Variants in TRIM9 observed in about 807,000 individuals in gnomAD.
The protein encoded by TRIM9 is tripartite motif containing 9, also known as E3 ubiquitin-protein ligase TRIM9.
Under a neutral mutation model 78.3 loss-of-function variants are expected in TRIM9, and 26 were observed. That is an observed-to-expected ratio of 0.33 (90% CI 0.24 to 0.46). TRIM9 has a LOEUF of 0.46. Among genes scored for constraint, TRIM9 ranks in the 20% least tolerant of loss-of-function variants. TRIM9 has a pLI of 1.00. For missense variants in TRIM9, 787 were observed against 1,036.4 expected (o/e 0.76, Z 3.30); for synonymous variants, 398 against 416.5 (o/e 0.96, Z 0.54).
intron 7 of TRIM9, chr14:50,986,362 G>T (rs1372707701): frequency 1.1e-5 from 4 of 375,692 alleles, no homozygotes; most frequent in Admixed American, 9.1e-5. Flanking sequence ...GAACAACAAA[G>T]GCAATTGTTG....
At chr14:51,023,726 C>T (rs2057976050) in intron 2 of TRIM9, among the ~76,000 whole-genome samples, 1 of 152,052 alleles carries the variant, frequency 6.6e-6, no homozygotes, top group Non-Finnish European at 1.5e-5. Flanking sequence ...ATAAGCTTTT[C>T]AATGAGTAAT....
At chr14:50,988,778 C>T (rs529769807) in intron 7 of TRIM9, among the ~76,000 whole-genome samples, 5 of 152,310 alleles carry the variant, frequency 3.3e-5, no homozygotes, top group African/African-American at 7.2e-5. Flanking sequence ...TCCCTTCATG[C>T]CCTTCCCCAT....
At chr14:50,996,849 AG>A in intron 7 of TRIM9, 1 of 985,442 alleles carries the variant, frequency 1.0e-6, no homozygotes, top group Non-Finnish European at 1.2e-6. Flanking sequence ...CTCTTGGAAT[AG>A]CATCACTTAG....
At chr14:50,980,802 C>T (rs2051777525) in intron 11 of TRIM9, among the ~76,000 whole-genome samples, 1 of 152,168 alleles carries the variant, frequency 6.6e-6, no homozygotes, top group African/African-American at 2.4e-5. Context: ...CTTCAAGTGA[C>T]AGCGAATAAT....
At chr14:50,990,548 A>G (rs1261842954) in intron 7 of TRIM9, among the ~76,000 whole-genome samples, 1 of 152,120 alleles carries the variant, frequency 6.6e-6, no homozygotes, top group East Asian at 1.9e-4. Context: ...ATTTTTGCAG[A>G]TGTTGTAGAA....
chr14:51,017,317 T>C (rs928877357), intron 3 of TRIM9, among the ~76,000 whole-genome samples: 1 of 152,238 alleles, frequency 6.6e-6, no homozygotes, highest in African/African-American at 2.4e-5. Flanking sequence ...TCTGAGGCTT[T>C]GCGGTTTTAA....
chr14:51,015,505 C>CTTTTCTTTTTTTTT (rs1555338411), intron 3 of TRIM9, among the ~76,000 whole-genome samples: 8 of 61,326 alleles, frequency 1.3e-4, no homozygotes, highest in African/African-American at 5.5e-4. Flanking sequence ...CTTTACTTTT[C>CTTTTCTTTTTTTTT]TTTTTTTTTT....
chr14:50,995,951 C>T (rs1216522088), intron 7 of TRIM9: 4 of 273,144 alleles, frequency 1.5e-5, no homozygotes, highest in Non-Finnish European at 2.2e-5. Context: ...TGTTACAGAT[C>T]GATCATATCT....
At position 50,998,192 on chromosome 14, in the gene TRIM9, A is replaced by G; in HGVS notation, c.1465-4T>C. 1 of 1,614,084 alleles carries G rather than the reference A, an allele frequency of 6.2e-7. No individual in the cohort carries two copies. The highest frequency in any genetic ancestry group is 8.5e-7 in the Non-Finnish European group (1 of 1,179,974). On this transcript the variant is annotated splice_polypyrimidine_tract_variant and splice_region_variant and intron_variant, in intron 6 of 12. Coordinates refer to ENST00000684578, the MANE Select transcript of TRIM9 (RefSeq NM_001387360.1). ...TCTCCTTCCCCACATACACCTCCTGAGAGTCAGCAAAGAACAGGACAGCAC... is the reference window on the plus strand; with the variant it reads ...TCTCCTTCCCCACATACACCTCCTGGGAGTCAGCAAAGAACAGGACAGCAC...
chr14:51,015,509 T>TC (rs940240801), intron 3 of TRIM9, among the ~76,000 whole-genome samples: 39 of 48,226 alleles, frequency 8.1e-4, no homozygotes, highest in African/African-American at 2.8e-3. Context: ...ACTTTTCTTT[T>TC]TTTTTTTTTT....
chr14:51,030,669 G>A (rs2058647921), intron 1 of TRIM9, among the ~76,000 whole-genome samples: 4 of 152,008 alleles, frequency 2.6e-5, no homozygotes, highest in Non-Finnish European at 5.9e-5. Context: ...GTTTAAGAGT[G>A]TGTAAGTATG....
chr14:51,008,207 G>A (rs1227007603), intron 5 of TRIM9, among the ~76,000 whole-genome samples: 4 of 152,232 alleles, frequency 2.6e-5, no homozygotes, highest in Non-Finnish European at 5.9e-5. Context: ...TCTGTATCCC[G>A]ATGCAGTGGT....
chr14:51,084,773 T>A (rs2063602012), intron 1 of TRIM9, among the ~76,000 whole-genome samples: 1 of 152,216 alleles, frequency 6.6e-6, no homozygotes. Flanking sequence ...ATGGACTATA[T>A]ATATCTAGTA....
intron 1 of TRIM9, among the ~76,000 whole-genome samples, chr14:51,025,790 A>G (rs1024436299): frequency 1.3e-5 from 2 of 152,184 alleles, no homozygotes; most frequent in Admixed American, 1.3e-4. Flanking sequence ...AAAGAACAGG[A>G]TGAAGGAAGG....
chr14:50,981,703 C>T, intron 11 of TRIM9, 97 bp downstream of exon 11: 1 of 1,498,250 alleles, frequency 6.7e-7, no homozygotes, highest in South Asian at 1.2e-5. Flanking sequence ...TGTTTGATTT[C>T]CTGAATGTGG....
chr14:51,022,680 A>C (rs935425409), intron 3 of TRIM9, among the ~76,000 whole-genome samples, 155 bp downstream of exon 3: 4 of 152,188 alleles, frequency 2.6e-5, no homozygotes, highest in Non-Finnish European at 5.9e-5. Context: ...GAATGAAGGG[A>C]GGTGTCTGTT....
At position 50,977,412 on chromosome 14, in the gene TRIM9, A is replaced by G. The variant is rs948182056; in HGVS notation, c.2326-59T>C. The G allele has an allele frequency of 2.0e-5, 27 of 1,335,390 alleles. No homozygotes were observed. The African/African-American group carries it at 3.6e-4, about 18-fold the overall frequency. 82.7% of individuals were successfully genotyped at this position (1,335,390 alleles called of 1,614,324 possible). A position where few individuals can be genotyped will look rare whatever the true frequency, so the allele number is the denominator to read the frequency against. ...CGTGCATCCCCCTGTCCCTTTACAC[A>G]GTGTACCGTGGGTGTGTCCCTAACT... On this transcript the variant is annotated intron_variant, in intron 12 of 12. Coordinates refer to ENST00000684578, the MANE Select transcript of TRIM9 (RefSeq NM_001387360.1).
At chr14:51,023,069 A>G (rs2057908086) in intron 2 of TRIM9, 112 bp from the exon 3 acceptor site, 2 of 1,383,916 alleles carry the variant, frequency 1.4e-6, no homozygotes, top group Admixed American at 2.3e-5. Flanking sequence ...TCTGTCCACA[A>G]TGCACATTTG....
chr14:50,993,970 C>T (rs905327736), intron 7 of TRIM9, among the ~76,000 whole-genome samples: 6 of 152,188 alleles, frequency 3.9e-5, no homozygotes, highest in Non-Finnish European at 8.8e-5. Context: ...AAAATGTCCA[C>T]ATCTGAATCC....
Sources: gnomAD v4.1 joint callset for allele counts (sites outside exome capture counted in the v4.1 genomes callset) on GRCh38, gnomAD v4.1.1 for gene constraint, MANE v1.5 for transcripts, NCBI Gene and HGNC (gene_info 2026-07-23, HGNC 2026-07-21) for gene names.